Variants in IQCH observed in about 807,000 individuals in gnomAD.
IQCH encodes IQ motif containing H.
In IQCH, 98 loss-of-function variants were observed where a neutral mutation model predicts 117.0. The ratio of observed to expected loss-of-function variants is 0.84; its 90% CI spans 0.71 to 0.99. The LOEUF (loss-of-function observed/expected upper bound fraction) is 0.99, where lower values mean the gene tolerates loss of function less well. IQCH is among the 50% of genes least tolerant of loss of function. The pLI is 0.00. For synonymous variants in IQCH, 412 were observed against 448.2 expected (o/e 0.92, Z 1.02); for missense variants, 1,102 against 1,243.8 (o/e 0.89, Z 1.72).
chr15:67,264,330 A>C (rs1965580122), intron 3 of IQCH, among the ~76,000 whole-genome samples: 1 of 152,208 alleles, frequency 6.6e-6, no homozygotes, highest in South Asian at 2.1e-4. Flanking sequence ...AACAACAAAT[A>C]CTTACAGTTT....
rs1317561781 is a variant in IQCH at position 67,388,091 on chromosome 15, A to G, written c.1457-740A>G. On this transcript the variant is annotated intron_variant, in intron 11 of 20. Coordinates refer to ENST00000335894, the MANE Select transcript of IQCH (RefSeq NM_001031715.3). The surrounding 1 kb of genome is among the most constrained non-coding windows in gnomAD (Gnocchi z 5.5). ...TGACTTCATTGACTGCTGATTTCCT[A>G]TTCATACTCCCTGAAATATTCTGCA... 6.6e-6 allele frequency among the ~76,000 whole-genome samples: 1 copy of G among 152,192 alleles called. No homozygotes were observed.
chr15:67,380,074 A>G (rs1970873818), intron 10 of IQCH, among the ~76,000 whole-genome samples: 1 of 151,984 alleles, frequency 6.6e-6, no homozygotes. Flanking sequence ...CTGGTCTCGA[A>G]CTCCCAACCT....
At position 67,491,948 on chromosome 15, in the gene IQCH, C is replaced by A. The variant is rs561359739; in HGVS notation, c.2861+1884C>A. On this transcript the variant is annotated intron_variant, in intron 19 of 20. Transcript: ENST00000335894. This position sits in a 1 kb window ranked among gnomAD's most constrained non-coding sequence, Gnocchi z 4.9. ...TACAGTAAACAAGTAAACAGGTAAA[C>A]GTGGTCTAGTATGTCAACTGCTGAC... Among the ~76,000 whole-genome samples the A allele has an allele frequency of 6.6e-6, 1 of 152,020 alleles. No homozygotes were observed. Among genetic ancestry groups the A allele is most frequent in the Non-Finnish European group, 1.5e-5 (1 of 68,006 alleles).
chr15:67,416,549 CAAAAA>C lies in IQCH; in HGVS notation c.2098-378_2098-374del, dbSNP rs543905687. 6.7e-6 allele frequency among the ~76,000 whole-genome samples: 1 copy of C among 150,122 alleles called. No individual in the cohort carries two copies. The highest frequency in any genetic ancestry group is 1.5e-5 in the Non-Finnish European group (1 of 67,440). ...AAAAAGAAAAAACAAAAAACAAAAA[CAAAAA>C]AAACAGTTAACCCCACATTTTATAT... On this transcript the variant is annotated intron_variant, in intron 14 of 20. Coordinates refer to ENST00000335894, the MANE Select transcript of IQCH (RefSeq NM_001031715.3). This position sits in a 1 kb window ranked among gnomAD's most constrained non-coding sequence, Gnocchi z 5.1.
At chr15:67,378,721 C>G (rs1441462291) in intron 10 of IQCH, among the ~76,000 whole-genome samples, 1 of 151,960 alleles carries the variant, frequency 6.6e-6, no homozygotes, top group African/African-American at 2.4e-5. Context: ...AATACAGAAA[C>G]AGCATTGAAC....
rs1370300980 is a variant in IQCH, at chr15:67,416,906, G to T, written c.2098-25G>T. On this transcript the variant is annotated intron_variant, in intron 14 of 20. Coordinates refer to ENST00000335894, the MANE Select transcript of IQCH (RefSeq NM_001031715.3). This position sits in a 1 kb window ranked among gnomAD's most constrained non-coding sequence, Gnocchi z 5.1. ...TCATTTCTGTAGTAAAATTGCTTGT[G>T]GTTCTATTTAATTTGTTTCTGCAGG... 1 of 1,540,756 alleles carries T rather than the reference G, an allele frequency of 6.5e-7. No individual in the cohort carries two copies.
In IQCH at chr15:67,349,467, A is replaced by G. The variant is rs563513346; in HGVS notation, c.637+5276A>G. Reference sequence around the variant, plus strand: ...AACCCCGTCTCTACTAAAAATACAAAAATTAGCCAGGCGTGGTGGTGGGTA... The same window carrying G: ...AACCCCGTCTCTACTAAAAATACAAGAATTAGCCAGGCGTGGTGGTGGGTA... On this transcript the variant is annotated intron_variant, in intron 6 of 20. Transcript: ENST00000335894. 3.4e-4 allele frequency among the ~76,000 whole-genome samples: 51 copies of G among 152,182 alleles called. No individual in the cohort carries two copies. The East Asian group carries it at 9.6e-3, about 29-fold the overall frequency.
intron 4 of IQCH, among the ~76,000 whole-genome samples, chr15:67,286,805 G>T (rs961714251): frequency 3.3e-5 from 5 of 151,854 alleles, no homozygotes; most frequent in African/African-American, 9.7e-5. Context: ...TAGAGATGGG[G>T]TTTCACCATG....
At chr15:67,480,148 C>G (rs1430372687) in intron 18 of IQCH, among the ~76,000 whole-genome samples, 1 of 152,190 alleles carries the variant, frequency 6.6e-6, no homozygotes, top group African/African-American at 2.4e-5. Flanking sequence ...CCACAGTCAC[C>G]AGCAATCATT....
intron 6 of IQCH, among the ~76,000 whole-genome samples, 160 bp from the exon 7 acceptor site, chr15:67,357,185 T>G (rs1210562524): frequency 6.6e-6 from 1 of 152,190 alleles, no homozygotes; most frequent in East Asian, 1.9e-4. Flanking sequence ...TTGAAGTCAG[T>G]GATCATAGCT....
At chr15:67,262,491 G>A (rs1596052523) in intron 2 of IQCH, among the ~76,000 whole-genome samples, 1 of 152,254 alleles carries the variant, frequency 6.6e-6, no homozygotes, top group South Asian at 2.1e-4. Flanking sequence ...AATGGTGAGA[G>A]GGATGGACCC....
In IQCH at chr15:67,416,292, C is replaced by A. The variant is rs1019778361; in HGVS notation, c.2098-639C>A. On this transcript the variant is annotated intron_variant, in intron 14 of 20. Coordinates refer to ENST00000335894, the MANE Select transcript of IQCH (RefSeq NM_001031715.3). This position sits in a 1 kb window ranked among gnomAD's most constrained non-coding sequence, Gnocchi z 5.1. ...CAGCACTTTGGGAGGCCGAGGCGGG[C>A]GGATCACCTGAGGTCGGGAGTTTGA... Among the ~76,000 whole-genome samples, 1 of 151,266 alleles carries A rather than the reference C, an allele frequency of 6.6e-6. No individual in the cohort carries two copies. Among genetic ancestry groups the A allele is most frequent in the Non-Finnish European group, 1.5e-5 (1 of 67,822 alleles).
intron 13 of IQCH, among the ~76,000 whole-genome samples, chr15:67,397,522 A>G (rs925348601): frequency 1.3e-5 from 2 of 152,236 alleles, no homozygotes; most frequent in Non-Finnish European, 1.5e-5. Context: ...AGATTTTTCC[A>G]GATAGTGACT....
At chr15:67,300,104 CT>C (rs1232749955) in intron 4 of IQCH, among the ~76,000 whole-genome samples, 2 of 152,058 alleles carry the variant, frequency 1.3e-5, no homozygotes, top group Admixed American at 1.3e-4. Flanking sequence ...TTTGGTGACT[CT>C]GAAAACCAGT....
chr15:67,326,157 C>G (rs1346980186), intron 4 of IQCH, among the ~76,000 whole-genome samples: 1 of 152,116 alleles, frequency 6.6e-6, no homozygotes, highest in African/African-American at 2.4e-5. Flanking sequence ...TGATGTTCCC[C>G]TTCCTGTGTC....
chr15:67,421,975 T>C (rs1404039437), intron 16 of IQCH, among the ~76,000 whole-genome samples: 1 of 152,064 alleles, frequency 6.6e-6, no homozygotes, highest in Non-Finnish European at 1.5e-5. Context: ...GGCATGCACC[T>C]GTAATTCCAG....
At chr15:67,299,093 A>G (rs1966894715) in intron 4 of IQCH, among the ~76,000 whole-genome samples, 1 of 147,958 alleles carries the variant, frequency 6.8e-6, no homozygotes, top group African/African-American at 2.5e-5. Context: ...AAAAAAAAAA[A>G]CAATGAGATC....
At chr15:67,304,853 T>C (rs1024449392) in intron 4 of IQCH, among the ~76,000 whole-genome samples, 10 of 152,216 alleles carry the variant, frequency 6.6e-5, no homozygotes, top group African/African-American at 2.2e-4. Context: ...GTGTATACTG[T>C]CATAATATGC....
At chr15:67,336,597 C>T (rs1333836051) in intron 4 of IQCH, among the ~76,000 whole-genome samples, 2 of 152,098 alleles carry the variant, frequency 1.3e-5, no homozygotes, top group Admixed American at 6.5e-5. Flanking sequence ...AACACTCTAA[C>T]ATTTATTTCC....
Sources: allele counts gnomAD v4.1 joint callset (sites outside exome capture counted in the v4.1 genomes callset), GRCh38; gene constraint gnomAD v4.1.1; non-coding constraint Gnocchi (gnomAD v3.1); transcripts MANE v1.5; gene names NCBI Gene and HGNC (gene_info 2026-07-23, HGNC 2026-07-21).